PCDH11Y: variants seen among roughly 807,000 people sequenced by gnomAD.
The protein encoded by PCDH11Y is protocadherin-11 Y-linked.
For missense variants in PCDH11Y, 12 were observed against 224.8 expected (o/e 0.05, Z 6.05); for synonymous variants, 9 against 83.6 (o/e 0.11, Z 4.87).
chrY:5,039,044 T>C, intron 3 of PCDH11Y, among the ~76,000 whole-genome samples: 1 of 32,831 alleles, frequency 3.0e-5, no homozygotes, highest in Non-Finnish European at 7.5e-5. Flanking sequence ...CTTAGCCTTA[T>C]TGGACAATTG....
chrY:5,413,204 C>T (rs1602921956), intron 2 of PCDH11Y, among the ~76,000 whole-genome samples: 1 of 33,675 alleles, frequency 3.0e-5, no homozygotes, highest in Non-Finnish European at 7.4e-5. Flanking sequence ...TCTAAGTGTG[C>T]ATTCATTTAA....
chrY:5,420,127 T>C (rs2053256442), intron 2 of PCDH11Y, among the ~76,000 whole-genome samples: 1 of 30,434 alleles, frequency 3.3e-5, no homozygotes, highest in African/African-American at 1.3e-4. Context: ...AGAGCAAAAT[T>C]TAACTAACAT....
intron 2 of PCDH11Y, among the ~76,000 whole-genome samples, chrY:5,376,219 A>G: frequency 3.4e-4 from 11 of 32,210 alleles, no homozygotes; most frequent in African/African-American, 1.3e-3. Context: ...GCTGGAGTGC[A>G]GTGGCGCCAT....
intron 1 of PCDH11Y, among the ~76,000 whole-genome samples, chrY:5,018,548 A>G: frequency 3.2e-5 from 1 of 31,636 alleles, no homozygotes; most frequent in Admixed American, 3.0e-4. Flanking sequence ...CTCAGCATTA[A>G]ATAACTAAAT....
intron 4 of PCDH11Y, among the ~76,000 whole-genome samples, chrY:5,621,132 A>G (rs2124702241): frequency 6.1e-5 from 2 of 32,721 alleles, no homozygotes; most frequent in Admixed American, 5.8e-4. Context: ...ACATCATCCT[A>G]TATCTAGAAA....
chrY:5,056,533 C>A, exon 1 of PCDH11Y: 2 of 169,605 alleles, frequency 1.2e-5, no homozygotes, highest in African/African-American at 1.9e-4. Context: ...GTAACAAATA[C>A]CCTTTATTTT....
At chrY:5,605,148 G>T in intron 4 of PCDH11Y, among the ~76,000 whole-genome samples, 1 of 32,507 alleles carries the variant, frequency 3.1e-5, no homozygotes, top group Admixed American at 2.9e-4. Context: ...GCAATAGCTG[G>T]CAGGAAGCTC....
At chrY:5,528,554 C>T in intron 3 of PCDH11Y, among the ~76,000 whole-genome samples, 1 of 33,317 alleles carries the variant, frequency 3.0e-5, no homozygotes, top group Non-Finnish European at 7.5e-5. Context: ...TGTACTTTTA[C>T]ATCATTGACT....
chrY:5,278,836 A>C, intron 2 of PCDH11Y, among the ~76,000 whole-genome samples: 1 of 33,218 alleles, frequency 3.0e-5, no homozygotes, highest in Non-Finnish European at 7.4e-5. Flanking sequence ...AAAGCAGGGT[A>C]AATTTAGCAA....
intron 1 of PCDH11Y, among the ~76,000 whole-genome samples, chrY:5,019,447 C>T: frequency 3.3e-5 from 1 of 29,993 alleles, no homozygotes; most frequent in African/African-American, 1.3e-4. Flanking sequence ...TGGCGGGCGC[C>T]TGTAATCCCA....
At chrY:5,043,460 C>T in intron 3 of PCDH11Y, among the ~76,000 whole-genome samples, 1 of 33,256 alleles carries the variant, frequency 3.0e-5, no homozygotes, top group South Asian at 6.9e-4. Context: ...AGGGATGAAG[C>T]CCACTTGATC....
intron 2 of PCDH11Y, among the ~76,000 whole-genome samples, chrY:5,310,255 T>C (rs2053098065): frequency 3.1e-5 from 1 of 32,687 alleles, no homozygotes; most frequent in African/African-American, 1.2e-4. Context: ...AGAACATTTT[T>C]TTTCTTCCCA....
intron 2 of PCDH11Y, among the ~76,000 whole-genome samples, chrY:5,313,365 A>T: frequency 3.0e-5 from 1 of 33,501 alleles, no homozygotes; most frequent in Non-Finnish European, 7.4e-5. Flanking sequence ...AGGTCATTTT[A>T]TTTCTCCAAG....
At chrY:5,286,532 G>A in intron 2 of PCDH11Y, among the ~76,000 whole-genome samples, 5 of 33,112 alleles carry the variant, frequency 1.5e-4, no homozygotes, top group African/African-American at 2.4e-4. Flanking sequence ...AGCATGGAAT[G>A]TTTTTGCATT....
At chrY:5,578,194 T>C (rs2053447994) in intron 3 of PCDH11Y, among the ~76,000 whole-genome samples, 1 of 33,940 alleles carries the variant, frequency 2.9e-5, no homozygotes, top group African/African-American at 1.1e-4. Flanking sequence ...ACAACACTGC[T>C]ACAGTATATT....
chrY:5,551,657 T>C, intron 3 of PCDH11Y, among the ~76,000 whole-genome samples: 1 of 32,077 alleles, frequency 3.1e-5, no homozygotes, highest in South Asian at 7.1e-4. Flanking sequence ...CCTCCCCACC[T>C]CTCCTTGTTA....
rs543567630 is a variant in PCDH11Y, at chrY:5,647,454, C to T, written c.3352+65656C>T. On this transcript the variant is annotated intron_variant, in intron 4 of 4. Coordinates refer to the PCDH11Y transcript ENST00000400457. ...ATGCACACACACATATACAGACATA[C>T]GCACATGTGCATATCCTACATGTAT... Among the ~76,000 whole-genome samples, 28 of 33,842 alleles carry T rather than the reference C, an allele frequency of 8.3e-4. No homozygotes were observed. The South Asian group carries it at 0.015, about 18-fold the overall frequency. 90.8% of individuals were successfully genotyped at this position (33,842 alleles called of 37,273 possible). A position where few individuals can be genotyped will look rare whatever the true frequency, so the allele number is the denominator to read the frequency against.
At chrY:5,219,050 G>A in intron 2 of PCDH11Y, among the ~76,000 whole-genome samples, 1 of 34,396 alleles carries the variant, frequency 2.9e-5, no homozygotes, top group African/African-American at 1.1e-4. Flanking sequence ...GGATCTCCTT[G>A]TTTTTAAGGG....
rs1602963102 is a variant in PCDH11Y at position 5,711,678 on chromosome Y, T to C, written c.3353-25594T>C. Among the ~76,000 whole-genome samples, 6 of 31,244 alleles carry C rather than the reference T, an allele frequency of 1.9e-4. No individual in the cohort carries two copies. In the East Asian group the frequency reaches 5.2e-3, roughly 27 times the overall value. The allele number at this position is 31,244 out of a possible 37,273, so 83.8% of individuals were successfully genotyped here. ...TGTGGCATGCACCTGTAGTCCCAGGTATTTGGGAGGCTGAGGCAGGAGAAT... is the reference window on the plus strand; with the variant it reads ...TGTGGCATGCACCTGTAGTCCCAGGCATTTGGGAGGCTGAGGCAGGAGAAT... On this transcript the variant is annotated intron_variant, in intron 4 of 4. Coordinates refer to the PCDH11Y transcript ENST00000400457.
Sources: allele counts gnomAD v4.1 joint callset (sites outside exome capture counted in the v4.1 genomes callset), GRCh38; gene constraint gnomAD v4.1.1; transcripts MANE v1.5; gene names NCBI Gene and HGNC (gene_info 2026-07-23, HGNC 2026-07-21).